The following FAM13B variants were observed in gnomAD, a reference collection of about 807,000 sequenced individuals.
The protein encoded by FAM13B is protein FAM13B.
A neutral mutation model predicts 117.3 loss-of-function variants in FAM13B; 60 were observed. The ratio of observed to expected loss-of-function variants is 0.51; its 90% CI spans 0.42 to 0.63. The LOEUF (loss-of-function observed/expected upper bound fraction) is 0.63. Ranked by LOEUF, FAM13B falls within the 30% of genes least tolerant of loss-of-function variation. The pLI is 0.00. For synonymous variants in FAM13B, 332 were observed against 356.1 expected (o/e 0.93, Z 0.76); for missense variants, 972 against 1,091.9 (o/e 0.89, Z 1.55).
At chr5:137,948,661 C>G (rs1186031178) in intron 18 of FAM13B, among the ~76,000 whole-genome samples, 5 of 152,154 alleles carry the variant, frequency 3.3e-5, no homozygotes. Context: ...TCTGAAATTG[C>G]TGGAATTGAG....
At chr5:138,048,998 G>C (rs1277671897) in intron 1 of FAM13B, among the ~76,000 whole-genome samples, 1 of 145,222 alleles carries the variant, frequency 6.9e-6, no homozygotes, top group Non-Finnish European at 1.5e-5. Flanking sequence ...CTGGAGTGCA[G>C]TGGTGAGATC....
chr5:137,999,943 C>G (rs1780799089), intron 7 of FAM13B, among the ~76,000 whole-genome samples: 1 of 152,136 alleles, frequency 6.6e-6, no homozygotes, highest in Admixed American at 6.6e-5. Context: ...ACTTCCAGAT[C>G]ATAGCAGCAA....
chr5:137,940,419 T>C (rs1401268917), intron 23 of FAM13B, 71 bp from the exon 24 acceptor site: 15 of 1,011,098 alleles, frequency 1.5e-5, no homozygotes, highest in Non-Finnish European at 1.8e-5. Context: ...GTTGTCTTAA[T>C]ATGAGACATA....
Position 137,946,004 on chromosome 5 carries a change from C to G in FAM13B, c.2245-7G>C. 6.3e-7 allele frequency: 1 copy of G among 1,599,358 alleles called. No homozygotes were observed. The highest frequency in any genetic ancestry group is 8.5e-7 in the Non-Finnish European group (1 of 1,173,064). On this transcript the variant is annotated splice_region_variant and splice_polypyrimidine_tract_variant and intron_variant, in intron 19 of 23. Coordinates refer to ENST00000689681, the MANE Select transcript of FAM13B (RefSeq NM_001385994.1). ...GCCTTTCTTCCTTGGTCACCTGAAG[C>G]AAGAAAAAAAAGAAATTGTCTAGTC...
At chr5:138,039,086 A>G (rs1454082869) in intron 1 of FAM13B, 2 of 152,242 alleles carry the variant, frequency 1.3e-5, no homozygotes, top group Non-Finnish European at 2.9e-5. Context: ...AATTCAGTGT[A>G]TGACAATAAT....
chr5:137,940,009 GAC>G lies in FAM13B; in HGVS notation c.*214_*215del, dbSNP rs1761164889. The G allele has an allele frequency of 8.1e-6, 13 of 1,604,334 alleles. No homozygotes were observed. Among genetic ancestry groups the G allele is most frequent in the Non-Finnish European group, 8.5e-6 (10 of 1,174,808 alleles). ...CCATATGTTTGCTAAAGGTGGAGAG[GAC>G]AGTCTGTGGTTAATATGGAACATCA... is the stretch of plus-strand genomic sequence containing the variant. On this transcript the variant is annotated 3_prime_UTR_variant, in exon 24 of 24. Coordinates refer to ENST00000689681, the MANE Select transcript of FAM13B (RefSeq NM_001385994.1).
chr5:138,025,842 A>G (rs879501912), intron 1 of FAM13B, among the ~76,000 whole-genome samples: 1 of 152,240 alleles, frequency 6.6e-6, no homozygotes, highest in Non-Finnish European at 1.5e-5. Flanking sequence ...GAAAATGAAC[A>G]GAGCTGGAGG....
At chr5:137,954,912 G>A (rs972188790) in intron 14 of FAM13B, among the ~76,000 whole-genome samples, 1 of 152,074 alleles carries the variant, frequency 6.6e-6, no homozygotes, top group African/African-American at 2.4e-5. Flanking sequence ...ATGAGCCACT[G>A]TGCCCAGCCC....
intron 1 of FAM13B, among the ~76,000 whole-genome samples, chr5:138,028,322 A>G (rs888446094): frequency 5.3e-5 from 8 of 152,246 alleles, no homozygotes; most frequent in African/African-American, 1.9e-4. Context: ...TACTAGACTG[A>G]TAAGAGTAAG....
upstream of FAM13B, chr5:138,036,312 T>A: frequency 2.3e-6 from 1 of 438,272 alleles, no homozygotes; most frequent in Non-Finnish European, 4.6e-6. Flanking sequence ...GTTAGCCTAG[T>A]GACAGCTCTG....
intron 11 of FAM13B, among the ~76,000 whole-genome samples, chr5:137,962,102 A>T (rs1768287009): frequency 6.6e-6 from 1 of 152,236 alleles, no homozygotes; most frequent in African/African-American, 2.4e-5. Flanking sequence ...ACTGACAGGT[A>T]TACTCAGAAT....
At chr5:138,044,017 C>T (rs764950009) in intron 1 of FAM13B, among the ~76,000 whole-genome samples, 45 of 152,144 alleles carry the variant, frequency 3.0e-4, no homozygotes, top group Non-Finnish European at 1.2e-4. Flanking sequence ...CTCCTGGGCT[C>T]AAGTGATCCT....
chr5:137,969,401 T>C (rs1288534847), intron 10 of FAM13B, among the ~76,000 whole-genome samples: 4 of 152,202 alleles, frequency 2.6e-5, no homozygotes, highest in African/African-American at 9.6e-5. Context: ...CTGAGGGTCC[T>C]GTCTGTTAGA....
At chr5:137,981,642 C>T (rs1039969902) in intron 10 of FAM13B, among the ~76,000 whole-genome samples, 3 of 151,826 alleles carry the variant, frequency 2.0e-5, no homozygotes, top group Non-Finnish European at 4.4e-5. Flanking sequence ...AAAAATTAGC[C>T]GGGCGTGGTG....
intron 5 of FAM13B, among the ~76,000 whole-genome samples, chr5:138,011,515 G>T (rs997560782): frequency 6.6e-6 from 1 of 151,892 alleles, no homozygotes; most frequent in African/African-American, 2.4e-5. Context: ...GCCTCCCCGG[G>T]TTCACGCCAT....
chr5:138,011,877 A>G lies in FAM13B; in HGVS notation c.439T>C (p.Tyr147His), dbSNP rs1416124648. The change falls in exon 5 of 24, where the codon TAT (tyrosine) becomes CAT (histidine). Residue 147 changes from tyrosine to histidine, a missense_variant. Tyr to His is a moderately conservative substitution (Grantham distance 83). Transcript: ENST00000689681. ...CTACACAGAAACTTTAACAAACTAT[A>G]ATTAACAGGTGGAAGCTGTTGCAAG... is the stretch of plus-strand genomic sequence containing the variant. ...FLLQQLPPVN[Y>H]SLLKFLCRFL... 1 of 1,603,458 alleles carries G rather than the reference A, an allele frequency of 6.2e-7. No individual in the cohort carries two copies. The highest frequency in any genetic ancestry group is 8.5e-7 in the Non-Finnish European group (1 of 1,176,958).
Position 137,985,248 on chromosome 5 carries a change from A to G in FAM13B, c.1179+9T>C, listed in dbSNP as rs781309218. ...TGTACATCTAACACATATTTTTGAC[A>G]TTCCTTACCTGGGTATTTTCTTCAT... On this transcript the variant is annotated intron_variant, in intron 10 of 23. Transcript: ENST00000689681. 3.1e-6 allele frequency: 5 copies of G among 1,610,456 alleles called. No homozygotes were observed. The South Asian group carries it at 4.4e-5, about 14-fold the overall frequency.
chr5:137,960,137 A>C, intron 12 of FAM13B, 29 bp downstream of exon 12: 1 of 1,427,610 alleles, frequency 7.0e-7, no homozygotes. Flanking sequence ...GCAAGTTTTT[A>C]AAGACTAAGA....
intron 14 of FAM13B, among the ~76,000 whole-genome samples, chr5:137,955,777 G>A (rs867204967): frequency 3.9e-5 from 6 of 152,000 alleles, no homozygotes; most frequent in Admixed American, 6.6e-5. Flanking sequence ...TGTTACAGGC[G>A]CCTGCTACCA....
Sources: gnomAD v4.1 joint callset for allele counts (sites outside exome capture counted in the v4.1 genomes callset) on GRCh38, gnomAD v4.1.1 for gene constraint, MANE v1.5 for transcripts, NCBI Gene and HGNC (gene_info 2026-07-23, HGNC 2026-07-21) for gene names.